The following CYP39A1 variants were observed in gnomAD, a reference collection of about 807,000 sequenced individuals.
The protein encoded by CYP39A1 is 24-hydroxycholesterol 7-alpha-hydroxylase.
Under a neutral mutation model 58.1 loss-of-function variants are expected in CYP39A1, and 49 were observed. The observed-to-expected ratio is 0.84, with a 90% CI of 0.67 to 1.07. CYP39A1 has a LOEUF of 1.07. Ranked by LOEUF, CYP39A1 falls within the 50% of genes least tolerant of loss-of-function variation. The probability of loss-of-function intolerance (pLI) is 0.00; values close to 1 mark genes in which losing one functional copy is unlikely to be tolerated. For missense variants in CYP39A1, 531 were observed against 539.4 expected, an observed-to-expected ratio of 0.98 and a Z score of 0.16; for synonymous variants, 209 against 187.6, an observed-to-expected ratio of 1.11 and a Z score of -0.93.
chr6:46,622,152 G>A (rs1216944401), intron 7 of CYP39A1, among the ~76,000 whole-genome samples: 1 of 151,990 alleles, frequency 6.6e-6, no homozygotes, highest in Non-Finnish European at 1.5e-5. Context: ...GTAAATTAAT[G>A]GTCGTCAGAA....
intron 10 of CYP39A1, among the ~76,000 whole-genome samples, chr6:46,558,856 C>T (rs1275755144): frequency 2.6e-5 from 4 of 151,826 alleles, no homozygotes; most frequent in African/African-American, 4.8e-5. Flanking sequence ...ATTAGCTGGG[C>T]GTGGTGGCAC....
At chr6:46,596,842 C>A (rs532083758) in intron 7 of CYP39A1, among the ~76,000 whole-genome samples, 12 of 152,246 alleles carry the variant, frequency 7.9e-5, no homozygotes, top group African/African-American at 2.9e-4. Context: ...AACAATATTT[C>A]AAGTAAAATG....
Position 46,642,210 on chromosome 6 carries a change from T to C in CYP39A1, c.266A>G (p.Lys89Arg). 2 of 1,613,028 alleles carry C rather than the reference T, an allele frequency of 1.2e-6. No homozygotes were observed. The highest frequency in any genetic ancestry group is 1.7e-6 in the Non-Finnish European group (2 of 1,179,390). Reference sequence around the variant, plus strand: ...CACTGCTAGTTCAAAATCTACTTTTTTGGATTTTAGAAACACATTAATTCC... The same window carrying C: ...CACTGCTAGTTCAAAATCTACTTTTCTGGATTTTAGAAACACATTAATTCC... Reference protein sequence around the residue: ...EEGINVFLKSKKVDFELAVQN... With the variant: ...EEGINVFLKSRKVDFELAVQN... The change falls in exon 2 of 12, where the codon AAA (lysine) becomes AGA (arginine). Residue 89 changes from lysine (K) to arginine (R), a missense_variant. Physicochemically the swap from Lys to Arg is conservative, Grantham distance 26. Transcript: ENST00000275016.
At chr6:46,627,827 A>G (rs1216584819) in intron 6 of CYP39A1, among the ~76,000 whole-genome samples, 2 of 152,230 alleles carry the variant, frequency 1.3e-5, no homozygotes, top group Non-Finnish European at 2.9e-5. Flanking sequence ...ATAAAAGTTT[A>G]TATGTATTAC....
chr6:46,646,266 G>A (rs1339899232), intron 1 of CYP39A1, among the ~76,000 whole-genome samples: 1 of 151,942 alleles, frequency 6.6e-6, no homozygotes, highest in East Asian at 1.9e-4. Flanking sequence ...TTTTGTAGAT[G>A]TCCTTTATTG....
At chr6:46,642,830 T>TC (rs1443858257) in intron 1 of CYP39A1, among the ~76,000 whole-genome samples, 6 of 152,206 alleles carry the variant, frequency 3.9e-5, no homozygotes, top group African/African-American at 1.4e-4. Context: ...TGACATAGTG[T>TC]CCCTGCCTTG....
chr6:46,646,819 T>C (rs1286028580), intron 1 of CYP39A1, among the ~76,000 whole-genome samples: 1 of 152,122 alleles, frequency 6.6e-6, no homozygotes, highest in Non-Finnish European at 1.5e-5. Flanking sequence ...ATCCATTTTA[T>C]ATAACTTGTT....
chr6:46,591,472 C>T (rs906969204), intron 8 of CYP39A1, among the ~76,000 whole-genome samples: 2 of 151,980 alleles, frequency 1.3e-5, no homozygotes, highest in African/African-American at 4.8e-5. Context: ...TAAAATCAGG[C>T]AGTCCTCTTC....
At chr6:46,578,308 C>T (rs1192832070) in intron 10 of CYP39A1, among the ~76,000 whole-genome samples, 6 of 151,926 alleles carry the variant, frequency 3.9e-5, no homozygotes, top group Non-Finnish European at 8.8e-5. Flanking sequence ...CACCAAATGC[C>T]TACAACAAGA....
chr6:46,565,571 C>CG (rs1427394637), intron 10 of CYP39A1, among the ~76,000 whole-genome samples: 1 of 151,878 alleles, frequency 6.6e-6, no homozygotes, highest in Non-Finnish European at 1.5e-5. Context: ...CTGGTGTAGA[C>CG]GTTTATGTAA....
At position 46,642,279 on chromosome 6, in the gene CYP39A1, A is replaced by C; in HGVS notation, c.197T>G (p.Val66Gly). The change falls in exon 2 of 12, where the codon GTC (valine) becomes GGC (glycine). Residue 66 changes from valine (V) to glycine (G), a missense_variant. Transcript: ENST00000275016. Reference sequence around the variant, plus strand: ...GGTCATTCGGTTTCCCATAGCAAAGACTGTAAATATTGGTCCATACTGAAA... The same window carrying C: ...GGTCATTCGGTTTCCCATAGCAAAGCCTGTAAATATTGGTCCATACTGAAA... ...ARIKYGPIFT[V>G]FAMGNRMTFV... 1.9e-6 allele frequency: 3 copies of C among 1,612,662 alleles called. No homozygotes were observed. In the Admixed American group the frequency reaches 5.0e-5, roughly 27 times the overall value.
intron 7 of CYP39A1, among the ~76,000 whole-genome samples, chr6:46,624,041 G>A (rs1031365250): frequency 6.6e-6 from 1 of 152,056 alleles, no homozygotes; most frequent in Non-Finnish European, 1.5e-5. Flanking sequence ...CATAGAAAAA[G>A]CAAAAAGGTT....
At chr6:46,620,957 G>A (rs1417206328) in intron 7 of CYP39A1, among the ~76,000 whole-genome samples, 2 of 152,050 alleles carry the variant, frequency 1.3e-5, no homozygotes, top group East Asian at 1.9e-4. Context: ...AAACCCTGAG[G>A]AAAGGGAAGA....
intron 7 of CYP39A1, among the ~76,000 whole-genome samples, chr6:46,613,058 T>C (rs1337305602): frequency 1.3e-5 from 2 of 152,238 alleles, no homozygotes; most frequent in Non-Finnish European, 2.9e-5. Flanking sequence ...TAAATACAGA[T>C]GCTTAAATGC....
At chr6:46,595,576 G>C (rs900401974) in intron 8 of CYP39A1, among the ~76,000 whole-genome samples, 2 of 151,922 alleles carry the variant, frequency 1.3e-5, no homozygotes, top group Non-Finnish European at 2.9e-5. Flanking sequence ...AGTTACCGGG[G>C]ATTGAAGGGT....
chr6:46,576,881 G>C (rs1771874251), intron 10 of CYP39A1, among the ~76,000 whole-genome samples: 2 of 152,178 alleles, frequency 1.3e-5, no homozygotes, highest in South Asian at 4.1e-4. Flanking sequence ...TGGCATTCCT[G>C]AAAAAGATGG....
chr6:46,604,138 C>A (rs1773688342), intron 7 of CYP39A1, among the ~76,000 whole-genome samples: 1 of 152,182 alleles, frequency 6.6e-6, no homozygotes, highest in African/African-American at 2.4e-5. Context: ...ACATTATAAT[C>A]ATCTTCGAAT....
intron 10 of CYP39A1, among the ~76,000 whole-genome samples, chr6:46,555,604 A>G (rs542165958): frequency 6.6e-6 from 1 of 152,288 alleles, no homozygotes; most frequent in Admixed American, 6.5e-5. Flanking sequence ...ATCCTACTAT[A>G]TCTTACTATA....
chr6:46,597,430 A>G (rs1184269084), intron 7 of CYP39A1, among the ~76,000 whole-genome samples: 1 of 152,170 alleles, frequency 6.6e-6, no homozygotes, highest in Non-Finnish European at 1.5e-5. Context: ...CAGCTAAGGT[A>G]GTTTAAAGCA....
Sources: gnomAD v4.1 joint callset for allele counts (sites outside exome capture counted in the v4.1 genomes callset) on GRCh38, gnomAD v4.1.1 for gene constraint, MANE v1.5 for transcripts, NCBI Gene and HGNC (gene_info 2026-07-23, HGNC 2026-07-21) for gene names.